The following DCTN4 variants were observed in gnomAD, a reference collection of about 807,000 sequenced individuals.
The protein encoded by DCTN4 is dynactin subunit 4.
A neutral mutation model predicts 62.7 loss-of-function variants in DCTN4; 23 were observed. The ratio of observed to expected loss-of-function variants is 0.37; its 90% CI spans 0.26 to 0.52. The LOEUF (loss-of-function observed/expected upper bound fraction) is 0.52, where lower values mean the gene tolerates loss of function less well. Among genes scored for constraint, DCTN4 ranks in the 20% least tolerant of loss-of-function variants. DCTN4 has a pLI of 0.92. For missense variants in DCTN4, 514 were observed against 580.4 expected (o/e 0.89, Z 1.18); for synonymous variants, 199 against 202.1 (o/e 0.98, Z 0.13).
chr5:150,741,533 C>T (rs112898089), intron 4 of DCTN4, among the ~76,000 whole-genome samples: 334 of 151,730 alleles, frequency 2.2e-3, no homozygotes, highest in African/African-American at 7.5e-3. Context: ...TAGGATGGAG[C>T]GTGGTGGTAT....
At chr5:150,713,212 T>C (rs1759632183) in intron 12 of DCTN4, among the ~76,000 whole-genome samples, 1 of 152,144 alleles carries the variant, frequency 6.6e-6, no homozygotes, top group African/African-American at 2.4e-5. Context: ...GTCTTTCTTT[T>C]TATCCTTAAT....
intron 9 of DCTN4, 136 bp from the exon 10 acceptor site, chr5:150,719,906 C>G: frequency 1.7e-6 from 1 of 594,604 alleles, no homozygotes; most frequent in Non-Finnish European, 2.9e-6. Flanking sequence ...TTTAATGAAC[C>G]ATATCATCAC....
intron 3 of DCTN4, among the ~76,000 whole-genome samples, chr5:150,748,705 C>T (rs1160816185): frequency 1.4e-5 from 2 of 146,426 alleles, no homozygotes; most frequent in East Asian, 2.0e-4. Flanking sequence ...CCAAACACCG[C>T]ATGTTCTCAC....
At chr5:150,715,144 T>C (rs1332754936) in intron 12 of DCTN4, among the ~76,000 whole-genome samples, 1 of 149,786 alleles carries the variant, frequency 6.7e-6, no homozygotes, top group East Asian at 2.0e-4. Context: ...GAGTAAAATC[T>C]ATTAATTCCT....
chr5:150,713,292 C>A (rs1389683603), intron 12 of DCTN4, among the ~76,000 whole-genome samples: 1 of 152,048 alleles, frequency 6.6e-6, no homozygotes, highest in Non-Finnish European at 1.5e-5. Flanking sequence ...CCTAGCTAGA[C>A]CTGCTAAAAA....
At chr5:150,713,591 G>A (rs904215763) in intron 12 of DCTN4, among the ~76,000 whole-genome samples, 3 of 151,002 alleles carry the variant, frequency 2.0e-5, no homozygotes, top group Admixed American at 6.6e-5. Flanking sequence ...TTACAGGCAC[G>A]TGCCACCACG....
intron 1 of DCTN4, chr5:150,758,316 G>C: frequency 1.0e-6 from 1 of 986,086 alleles, no homozygotes; most frequent in East Asian, 1.1e-4. Context: ...ATGACATACT[G>C]TATTCTGAGC....
intron 3 of DCTN4, among the ~76,000 whole-genome samples, chr5:150,748,932 T>A (rs1237575284): frequency 1.5e-4 from 22 of 150,224 alleles, no homozygotes; most frequent in Admixed American, 1.5e-3. Flanking sequence ...AAACTTAAAG[T>A]ATAATAATAA....
At chr5:150,758,564 T>G in intron 1 of DCTN4, 1 of 1,132,940 alleles carries the variant, frequency 8.8e-7, no homozygotes, top group African/African-American at 1.6e-5. Context: ...CCCAGACCTT[T>G]CTCCGTAGTC....
intron 2 of DCTN4, chr5:150,755,691 C>T (rs1449713759): frequency 2.4e-6 from 1 of 410,190 alleles, no homozygotes; most frequent in Non-Finnish European, 4.8e-6. Flanking sequence ...TCCTATCACA[C>T]CACACCCAAG....
At chr5:150,722,288 A>G (rs1433930077) in intron 9 of DCTN4, among the ~76,000 whole-genome samples, 1 of 152,218 alleles carries the variant, frequency 6.6e-6, no homozygotes, top group Admixed American at 6.5e-5. Context: ...TTTGCCAGGT[A>G]ATTTAAAAAA....
In DCTN4 at chr5:150,719,702, A is replaced by G; in HGVS notation, c.963+14T>C. On this transcript the variant is annotated intron_variant, in intron 10 of 12. Coordinates refer to ENST00000447998, the MANE Select transcript of DCTN4 (RefSeq NM_016221.4). ...TCAATCCTTTTTCTTCCTGTTAATG[A>G]GCAAGGTACTAACCTTCATGTAGCG... 1.3e-6 allele frequency: 2 copies of G among 1,589,910 alleles called. No individual in the cohort carries two copies. Among genetic ancestry groups the G allele is most frequent in the Non-Finnish European group, 1.7e-6 (2 of 1,158,340 alleles).
rs1759485786 is a variant in DCTN4, at chr5:150,709,478, G to A, written c.*1671C>T. On this transcript the variant is annotated 3_prime_UTR_variant, in exon 13 of 13. Transcript: ENST00000447998. ...AAATAAAAATTTGAGACTCTGTGGG[G>A]TCACAAAAAAATGAAACTCTTTCTA... The A allele has an allele frequency of 6.6e-6, 1 of 152,266 alleles. No homozygotes were observed. The highest frequency in any genetic ancestry group is 2.4e-5 in the African/African-American group (1 of 41,438). The allele number at this position is 152,266 out of a possible 1,614,324, so 9.4% of individuals were successfully genotyped here.
At chr5:150,751,287 G>A (rs1426115203) in intron 3 of DCTN4, among the ~76,000 whole-genome samples, 1 of 152,072 alleles carries the variant, frequency 6.6e-6, no homozygotes, top group African/African-American at 2.4e-5. Flanking sequence ...TACGCTTTAA[G>A]AGCTCCTGGT....
chr5:150,718,823 AT>A (rs1312097987), intron 10 of DCTN4, among the ~76,000 whole-genome samples: 1 of 152,088 alleles, frequency 6.6e-6, no homozygotes, highest in Admixed American at 6.5e-5. Context: ...TTTATTATTT[AT>A]TTATTTATTT....
At chr5:150,718,118 T>C (rs1256400153) in intron 11 of DCTN4, among the ~76,000 whole-genome samples, 158 bp downstream of exon 11, 1 of 152,152 alleles carries the variant, frequency 6.6e-6, no homozygotes, top group African/African-American at 2.4e-5. Flanking sequence ...AATAGGGCAG[T>C]GTGTTTCAGG....
intron 9 of DCTN4, among the ~76,000 whole-genome samples, chr5:150,721,754 G>A (rs1357722474): frequency 6.6e-6 from 1 of 152,020 alleles, no homozygotes; most frequent in Non-Finnish European, 1.5e-5. Flanking sequence ...ACTTTTGTTT[G>A]TCATGACTGC....
Position 150,719,768 on chromosome 5 carries a change from T to C in DCTN4, c.911A>G (p.Asn304Ser), listed in dbSNP as rs180739528. Residue 304 changes from asparagine (N) to serine (S), a missense_variant and splice_region_variant, in exon 10 of 13, where the codon AAT (asparagine) becomes AGT (serine). Physicochemically the swap from Asn to Ser is conservative, Grantham distance 46. Transcript: ENST00000447998. ...CATGATTCTCACTTCTGGAATATAATTGCTGTGCATAAATAAAAAAATGCA... is the reference window on the plus strand; with the variant it reads ...CATGATTCTCACTTCTGGAATATAACTGCTGTGCATAAATAAAAAAATGCA... ...IKFKIQLVAV[N>S]YIPEVRIMSI... 4.0e-5 allele frequency: 64 copies of C among 1,603,764 alleles called. No individual in the cohort carries two copies. Among genetic ancestry groups the C allele is most frequent in the Admixed American group, 1.9e-4 (11 of 59,312 alleles).
At chr5:150,718,506 C>T in intron 10 of DCTN4, 123 bp from the exon 11 acceptor site, 6 of 652,394 alleles carry the variant, frequency 9.2e-6, no homozygotes, top group South Asian at 1.8e-5. Context: ...TATACCTCTA[C>T]ATCACTGTAT....
Sources: allele counts gnomAD v4.1 joint callset (sites outside exome capture counted in the v4.1 genomes callset), GRCh38; gene constraint gnomAD v4.1.1; transcripts MANE v1.5; gene names NCBI Gene and HGNC (gene_info 2026-07-23, HGNC 2026-07-21).